The following NDRG4 variants were observed in gnomAD, a reference collection of about 807,000 sequenced individuals.
NDRG4 encodes the protein protein NDRG4.
A neutral mutation model predicts 55.8 loss-of-function variants in NDRG4; 38 were observed. That is an observed-to-expected ratio of 0.68 (90% CI 0.53 to 0.89). The LOEUF is 0.89. NDRG4 is among the 40% of genes least tolerant of loss of function. The pLI, the probability that NDRG4 is intolerant of heterozygous loss-of-function variation, is 0.00. For missense variants in NDRG4, 455 were observed against 468.6 expected (o/e 0.97, Z 0.27); for synonymous variants, 190 against 182.7 (o/e 1.04, Z -0.32).
chr16:58,502,916 G>T (rs2037349563), intron 1 of NDRG4, among the ~76,000 whole-genome samples: 1 of 152,210 alleles, frequency 6.6e-6, no homozygotes, highest in Non-Finnish European at 1.5e-5. Context: ...TTCTCCCAAG[G>T]CTCAGGGATG....
At chr16:58,497,580 G>C (rs1017937920), upstream of NDRG4, among the ~76,000 whole-genome samples, 1 of 152,114 alleles carries the variant, frequency 6.6e-6, no homozygotes. Flanking sequence ...TATCCTTGCA[G>C]CTGCCTGTGC....
chr16:58,496,462 G>A (rs142184068), upstream of NDRG4, among the ~76,000 whole-genome samples: 10 of 152,226 alleles, frequency 6.6e-5, no homozygotes, highest in African/African-American at 1.9e-4. Flanking sequence ...ATGGATGGTC[G>A]TTATCTGGGC....
At chr16:58,469,455 A>G (rs910517145) in intron 1 of NDRG4, among the ~76,000 whole-genome samples, 1 of 152,212 alleles carries the variant, frequency 6.6e-6, no homozygotes, top group Non-Finnish European at 1.5e-5. Context: ...TGATGTATCA[A>G]TAGCTTAAAA....
intron 1 of NDRG4, among the ~76,000 whole-genome samples, chr16:58,485,085 G>T (rs1199406090): frequency 6.6e-6 from 1 of 151,902 alleles, no homozygotes; most frequent in African/African-American, 2.4e-5. Context: ...GGTTTCACCA[G>T]GTTAGCCAGA....
At chr16:58,487,702 C>T in intron 1 of NDRG4, 2 of 1,401,528 alleles carry the variant, frequency 1.4e-6, no homozygotes, top group Non-Finnish European at 1.9e-6. Context: ...CGCTGTCCTT[C>T]TCCGCCCGGG....
intron 14 of NDRG4, chr16:58,511,156 G>T: frequency 1.9e-6 from 1 of 520,328 alleles, no homozygotes; most frequent in Non-Finnish European, 3.4e-6. Context: ...TCCTCTTGAG[G>T]GAGGCACGGC....
At chr16:58,466,510 C>G (rs2031714221) in intron 1 of NDRG4, among the ~76,000 whole-genome samples, 1 of 152,218 alleles carries the variant, frequency 6.6e-6, no homozygotes. Context: ...GTCAGGACCC[C>G]TCTTCCCCCA....
intron 2 of NDRG4, among the ~76,000 whole-genome samples, chr16:58,490,829 T>C (rs1008571029): frequency 9.9e-5 from 15 of 150,848 alleles, no homozygotes; most frequent in African/African-American, 3.4e-4. Context: ...TTATAAAAAT[T>C]AGCTGGGCAT....
At position 58,503,809 on chromosome 16, in the gene NDRG4, C is replaced by G. The variant is rs144560470; in HGVS notation, c.33C>G (p.Ile11Met). 17 of 1,613,944 alleles carry G rather than the reference C, an allele frequency of 1.1e-5. No homozygotes were observed. The African/African-American group carries it at 2.1e-4, about 20-fold the overall frequency. ...TCTCTCCCCTTCAGGAACATGACAT[C>G]GAGACACCCTACGGCCTTCTGCATG... MPECWDGEHD[I>M]ETPYGLLHVV... Residue 11 changes from isoleucine (I) to methionine (M), a missense_variant, in exon 2 of 15, where the codon ATC (isoleucine) becomes ATG (methionine). Ile to Met is a conservative substitution (Grantham distance 10). Coordinates refer to ENST00000570248, the MANE Select transcript of NDRG4 (RefSeq NM_001242835.2).
chr16:58,476,812 C>G (rs562911697), intron 1 of NDRG4, among the ~76,000 whole-genome samples: 1 of 152,216 alleles, frequency 6.6e-6, no homozygotes, highest in East Asian at 1.9e-4. Flanking sequence ...TTATATTTTC[C>G]TTTTTAAAAA....
rs185688246 is a variant in NDRG4, at chr16:58,479,783, C to T, written c.-23-7973C>T. Among the ~76,000 whole-genome samples the T allele has an allele frequency of 4.6e-4, 70 of 152,342 alleles. 1 individual carries two copies. Among genetic ancestry groups the T allele is most frequent in the Non-Finnish European group, 7.2e-4 (49 of 68,030 alleles). On this transcript the variant is annotated intron_variant, in intron 1 of 15. Transcript: ENST00000258187. ...TGTAGTTCTTGTCCCCTAGGAGTGT[C>T]TGAGGAGCAATGGTCTGAGCAGGTC...
At chr16:58,506,157 T>TGTGTGTGTGTGTG in intron 5 of NDRG4, 1 of 294,712 alleles carries the variant, frequency 3.4e-6, no homozygotes, top group Admixed American at 4.2e-5. Context: ...TGTGTGTGTG[T>TGTGTGTGTGTGTG]CTGTGTGTGT....
At chr16:58,480,184 G>A (rs1567577228) in intron 1 of NDRG4, among the ~76,000 whole-genome samples, 2 of 152,164 alleles carry the variant, frequency 1.3e-5, no homozygotes, top group Non-Finnish European at 2.9e-5. Flanking sequence ...ACAGTGGCAC[G>A]ATCTAGGCTC....
At chr16:58,468,387 G>A (rs767497468) in intron 1 of NDRG4, among the ~76,000 whole-genome samples, 27 of 152,118 alleles carry the variant, frequency 1.8e-4, no homozygotes, top group Non-Finnish European at 2.6e-4. Flanking sequence ...ACCTTCTTTC[G>A]GCCTCAGTCT....
Position 58,511,872 on chromosome 16 carries a change from G to A in NDRG4, c.*296G>A, listed in dbSNP as rs900832762. 9.6e-5 allele frequency: 45 copies of A among 470,346 alleles called. No individual in the cohort carries two copies. Among genetic ancestry groups the A allele is most frequent in the South Asian group, 4.5e-4 (24 of 53,680 alleles). 29.1% of individuals were successfully genotyped at this position (470,346 alleles called of 1,614,324 possible). On this transcript the variant is annotated 3_prime_UTR_variant, in exon 15 of 15. Transcript: ENST00000570248. The stretch of plus-strand genomic sequence containing the variant: ...GGCCATAGGGAGGGAGATTCGCTAC[G>A]GATCCAGGCCATTCCTGGGTGAGCC...
At position 58,495,058 on chromosome 16, in the gene NDRG4, C is replaced by T. The variant is rs1181771796; in HGVS notation, c.117+50C>T. The T allele has an allele frequency of 1.9e-6, 3 of 1,585,136 alleles. No individual in the cohort carries two copies. In the South Asian group the frequency reaches 3.4e-5, roughly 18 times the overall value. ...GATGTGGGACTGACAGCTGGCAGCCCCTCACCCCACCTGGCCAGGTCCCAG... is the reference window on the plus strand; with the variant it reads ...GATGTGGGACTGACAGCTGGCAGCCTCTCACCCCACCTGGCCAGGTCCCAG... On this transcript the variant is annotated intron_variant, in intron 3 of 15. Coordinates refer to the NDRG4 transcript ENST00000258187.
upstream of NDRG4, among the ~76,000 whole-genome samples, chr16:58,498,501 A>G (rs2036661517): frequency 6.6e-6 from 1 of 152,238 alleles, no homozygotes; most frequent in Non-Finnish European, 1.5e-5. Flanking sequence ...GTCAGCATGC[A>G]GGGCCATCAG....
intron 2 of NDRG4, among the ~76,000 whole-genome samples, chr16:58,491,463 T>TC (rs2035781231): frequency 6.6e-6 from 1 of 151,478 alleles, no homozygotes; most frequent in Admixed American, 6.6e-5. Context: ...CACTTTTTTT[T>TC]TTTTCATTTT....
Position 58,509,295 on chromosome 16 carries a change from C to T in NDRG4, c.814-6C>T, listed in dbSNP as rs772922989. 5.6e-6 allele frequency: 9 copies of T among 1,613,972 alleles called. No individual in the cohort carries two copies. In the East Asian group the frequency reaches 2.0e-4, roughly 36 times the overall value. ...TGAAAGCATGTGCTTGTCCTGCCCTCCGCAGCCAGGGAAGCTGACTGAAGC... is the reference window on the plus strand; with the variant it reads ...TGAAAGCATGTGCTTGTCCTGCCCTTCGCAGCCAGGGAAGCTGACTGAAGC... On this transcript the variant is annotated splice_polypyrimidine_tract_variant and splice_region_variant and intron_variant, in intron 12 of 14. Coordinates refer to ENST00000570248, the MANE Select transcript of NDRG4 (RefSeq NM_001242835.2).
Sources: gnomAD v4.1 joint callset for allele counts (sites outside exome capture counted in the v4.1 genomes callset) on GRCh38, gnomAD v4.1.1 for gene constraint, MANE v1.5 for transcripts, NCBI Gene and HGNC (gene_info 2026-07-23, HGNC 2026-07-21) for gene names.